Variants in ARL10 observed in about 807,000 individuals in gnomAD.
The protein encoded by ARL10 is ARF like GTPase 10.
Under a neutral mutation model 26.1 loss-of-function variants are expected in ARL10, and 23 were observed. The observed-to-expected ratio is 0.88, with a 90% CI of 0.63 to 1.25. The LOEUF is 1.25. Ranked by LOEUF, ARL10 falls within the 50% of genes most tolerant of loss-of-function variation. The pLI, the probability that ARL10 is intolerant of heterozygous loss-of-function variation, is 0.00. For missense variants in ARL10, 300 were observed against 323.6 expected, an observed-to-expected ratio of 0.93 and a Z score of 0.56; for synonymous variants, 138 against 149.1, an observed-to-expected ratio of 0.93 and a Z score of 0.54.
Position 176,365,571 on chromosome 5 carries a change from C to G in ARL10, c.8C>G (p.Pro3Arg). 2.4e-6 allele frequency: 3 copies of G among 1,234,368 alleles called. No homozygotes were observed. The South Asian group carries it at 1.1e-4, about 47-fold the overall frequency. 76.5% of individuals were successfully genotyped at this position (1,234,368 alleles called of 1,614,324 possible). The change falls in exon 1 of 4, where the codon CCG (proline) becomes CGG (arginine). Residue 3 changes from proline to arginine, a missense_variant. Coordinates refer to ENST00000310389, the MANE Select transcript of ARL10 (RefSeq NM_173664.6). MA[P>R]RPLGPLVLAL... ...CGTCCCTCGCCCGGCCCGATGGCGC[C>G]GCGGCCGCTGGGCCCCTTGGTGCTG...
intron 3 of ARL10, among the ~76,000 whole-genome samples, chr5:176,371,404 A>T (rs1768537071): frequency 6.6e-6 from 1 of 152,172 alleles, no homozygotes; most frequent in South Asian, 2.1e-4. Flanking sequence ...TAATGATGCA[A>T]TGAAAAGAGG....
intron 3 of ARL10, among the ~76,000 whole-genome samples, chr5:176,370,840 T>C (rs2113551186): frequency 6.6e-6 from 1 of 152,312 alleles, no homozygotes; most frequent in South Asian, 2.1e-4. Context: ...TTCCTCCAGC[T>C]AGTTTCTAGA....
chr5:176,396,600 G>T, intron 1 of ARL10: 1 of 1,101,508 alleles, frequency 9.1e-7, no homozygotes, highest in Non-Finnish European at 1.4e-6. Flanking sequence ...CAGGCAGGCA[G>T]AAGGTTAGAG....
downstream of ARL10, among the ~76,000 whole-genome samples, chr5:176,389,174 G>A (rs755657940): frequency 6.6e-6 from 1 of 152,116 alleles, no homozygotes; most frequent in East Asian, 1.9e-4. Flanking sequence ...AAGATTGGGA[G>A]GACTCTGTAA....
In ARL10 at chr5:176,379,904, G is replaced by A. The variant is rs980184577; in HGVS notation, c.*8009G>A. The A allele has an allele frequency of 2.0e-5, 3 of 152,140 alleles. No homozygotes were observed. The highest frequency in any genetic ancestry group is 4.4e-5 in the Non-Finnish European group (3 of 68,032). 9.4% of individuals were successfully genotyped at this position (152,140 alleles called of 1,614,324 possible). On this transcript the variant is annotated 3_prime_UTR_variant, in exon 4 of 4. Transcript: ENST00000310389. ...TCACCAGTATCATGTGAATAAATTGGTAAAGATTAGAGAGTCCTGAATCAT... is the reference window on the plus strand; with the variant it reads ...TCACCAGTATCATGTGAATAAATTGATAAAGATTAGAGAGTCCTGAATCAT...
downstream of ARL10, chr5:176,389,083 A>C: frequency 2.8e-6 from 4 of 1,407,058 alleles, no homozygotes; most frequent in Non-Finnish European, 3.9e-6. Flanking sequence ...CGGACTAGAG[A>C]AGAGACGAGG....
downstream of ARL10, chr5:176,406,807 G>T: frequency 1.1e-6 from 1 of 941,230 alleles, no homozygotes; most frequent in Non-Finnish European, 1.4e-6. Context: ...CCCTGCAGGT[G>T]CAGGCCAGAC....
At chr5:176,410,488 C>G in the ARL10 span, among the ~76,000 whole-genome samples, 4 of 152,162 alleles carry the variant, frequency 2.6e-5, no homozygotes, top group Non-Finnish European at 4.4e-5. Flanking sequence ...GTTTATAAAG[C>G]CTCTCACAGC....
At chr5:176,388,094 T>A (rs774733600) in intron 1 of ARL10, 6 of 632,920 alleles carry the variant, frequency 9.5e-6, no homozygotes, top group Non-Finnish European at 1.7e-5. Flanking sequence ...TCAACGTCAG[T>A]TGAGCGTTCT....
At chr5:176,391,430 G>A (rs1379419286), downstream of ARL10, among the ~76,000 whole-genome samples, 1 of 152,140 alleles carries the variant, frequency 6.6e-6, no homozygotes, top group Non-Finnish European at 1.5e-5. Flanking sequence ...TGGGTGACAT[G>A]GCAAAGCCCC....
Position 176,368,381 on chromosome 5 carries a change from A to G in ARL10, c.386-426A>G, listed in dbSNP as rs1217633519. Among the ~76,000 whole-genome samples, 1 of 152,174 alleles carries G rather than the reference A, an allele frequency of 6.6e-6. No individual in the cohort carries two copies. The highest frequency in any genetic ancestry group is 1.5e-5 in the Non-Finnish European group (1 of 68,018). On this transcript the variant is annotated intron_variant, in intron 2 of 3. Transcript: ENST00000310389. The surrounding 1 kb of genome is among the most constrained non-coding windows in gnomAD (Gnocchi z 4.1). ...TGTAGGAGAAAGCTAGGAATTAGCA[A>G]GAGGCAAAGCCAGACAACCCAGGGG...
At position 176,372,813 on chromosome 5, in the gene ARL10, G is replaced by A. The variant is rs1768585535; in HGVS notation, c.*918G>A. ...CTGCATTTTATTTATTAATTTATAA[G>A]CAGAACAGGCCAGAGTTCTAGGCTC... On this transcript the variant is annotated 3_prime_UTR_variant, in exon 4 of 4. Coordinates refer to ENST00000310389, the MANE Select transcript of ARL10 (RefSeq NM_173664.6). 2.5e-6 allele frequency: 1 copy of A among 398,470 alleles called. No homozygotes were observed. The highest frequency in any genetic ancestry group is 4.4e-6 in the Non-Finnish European group (1 of 226,006). The allele number at this position is 398,470 out of a possible 1,614,324, so 24.7% of individuals were successfully genotyped here.
At chr5:176,407,014 C>T in the ARL10 span, among the ~76,000 whole-genome samples, 2 of 152,186 alleles carry the variant, frequency 1.3e-5, no homozygotes, top group Non-Finnish European at 2.9e-5. Context: ...TAAGGATTCT[C>T]GGATGGCACT....
chr5:176,375,223 C>CCCATCCACCCATCCAT lies in ARL10; in HGVS notation c.*3335_*3336insCCCATCCATCCATCCA, dbSNP rs1554124222. 1 of 90,474 alleles carries CCCATCCACCCATCCAT rather than the reference C, an allele frequency of 1.1e-5. No individual in the cohort carries two copies. Among genetic ancestry groups the CCCATCCACCCATCCAT allele is most frequent in the Non-Finnish European group, 2.2e-5 (1 of 45,542 alleles). 5.6% of individuals were successfully genotyped at this position (90,474 alleles called of 1,614,324 possible). The stretch of plus-strand genomic sequence containing the variant: ...ATCCATCCACTCATCCACCCATCCA[C>CCCATCCACCCATCCAT]CCATCCATCCATCCATCCATCCATC... On this transcript the variant is annotated 3_prime_UTR_variant, in exon 4 of 4. Transcript: ENST00000310389.
chr5:176,386,490 G>A (rs981154285), downstream of ARL10: 2 of 368,636 alleles, frequency 5.4e-6, no homozygotes, highest in African/African-American at 4.2e-5. Flanking sequence ...TTTGTCATTG[G>A]AACATTTATT....
chr5:176,399,534 G>A lies in ARL10; in HGVS notation c.134-2207G>A, dbSNP rs900195911. On this transcript the variant is annotated intron_variant, in intron 1 of 1. Coordinates refer to the ARL10 transcript ENST00000514533. ...AGGCAGGAGGATCACTTGAGGCCAG[G>A]AGTTTAAGACCAGCCTGGGCAACAC... 2.6e-5 allele frequency among the ~76,000 whole-genome samples: 4 copies of A among 152,188 alleles called. No homozygotes were observed. The South Asian group carries it at 6.2e-4, about 24-fold the overall frequency.
intron 1 of ARL10, chr5:176,387,086 TTTTC>T: frequency 3.4e-6 from 2 of 580,834 alleles, no homozygotes; most frequent in Non-Finnish European, 3.1e-6. Flanking sequence ...CTCTTTTTTT[TTTTC>T]TTTTTCTTTT....
chr5:176,372,758 G>A lies in ARL10; in HGVS notation c.*863G>A, dbSNP rs547041089. The A allele has an allele frequency of 1.0e-5, 4 of 397,206 alleles. No homozygotes were observed. In the South Asian group the frequency reaches 5.7e-4, roughly 57 times the overall value. 24.6% of individuals were successfully genotyped at this position (397,206 alleles called of 1,614,324 possible). The stretch of plus-strand genomic sequence containing the variant: ...AGGAGCCTGTGTCCCTGGGACGACA[G>A]TCAACTGGAGCTAGGTGTTGACCTC... On this transcript the variant is annotated 3_prime_UTR_variant, in exon 4 of 4. Coordinates refer to ENST00000310389, the MANE Select transcript of ARL10 (RefSeq NM_173664.6).
At chr5:176,371,510 CGGGG>C (rs1243575937) in intron 3 of ARL10, among the ~76,000 whole-genome samples, 2 of 145,626 alleles carry the variant, frequency 1.4e-5, no homozygotes, top group Admixed American at 6.9e-5. Flanking sequence ...CTGATATTCC[CGGGG>C]ATAGCCTAAG....
Sources: gnomAD v4.1 joint callset for allele counts (sites outside exome capture counted in the v4.1 genomes callset) on GRCh38, gnomAD v4.1.1 for gene constraint, Gnocchi (gnomAD v3.1) non-coding constraint, MANE v1.5 for transcripts, NCBI Gene and HGNC (gene_info 2026-07-23, HGNC 2026-07-21) for gene names.